PPM1H: variants seen among roughly 807,000 people sequenced by gnomAD.
PPM1H encodes protein phosphatase, Mg2+/Mn2+ dependent 1H.
Under a neutral mutation model 54.9 loss-of-function variants are expected in PPM1H, and 27 were observed. The observed-to-expected ratio is 0.49, with a 90% CI of 0.36 to 0.68. The LOEUF (loss-of-function observed/expected upper bound fraction) is 0.68, where lower values mean the gene tolerates loss of function less well. Among genes scored for constraint, PPM1H ranks in the 30% least tolerant of loss-of-function variants. PPM1H has a pLI of 0.00. For missense variants in PPM1H, 596 were observed against 667.8 expected, an observed-to-expected ratio of 0.89 and a Z score of 1.19; for synonymous variants, 305 against 270.8, an observed-to-expected ratio of 1.13 and a Z score of -1.24.
intron 1 of PPM1H, among the ~76,000 whole-genome samples, chr12:62,899,931 C>A (rs762692983): frequency 6.6e-6 from 1 of 152,146 alleles, no homozygotes; most frequent in Admixed American, 6.5e-5. Flanking sequence ...GGGGTTACTG[C>A]CCTCATAAAA....
chr12:62,829,663 A>G (rs10506450), intron 2 of PPM1H, among the ~76,000 whole-genome samples: 14,190 of 152,256 alleles, frequency 0.093, 716 homozygotes, highest in Middle Eastern at 0.15. Flanking sequence ...CTTGCTCTTG[A>G]AGGACGGACC....
Position 62,934,475 on chromosome 12 carries a change from G to A in PPM1H, c.245+17C>T. On this transcript the variant is annotated intron_variant, in intron 1 of 9. Coordinates refer to ENST00000228705, the MANE Select transcript of PPM1H (RefSeq NM_020700.2). The surrounding 1 kb of genome is among the most constrained non-coding windows in gnomAD (Gnocchi z 4.2). ...CCGCGAGGAGAGCAGGGGCGCCGCCGGTGTCGCTGCACTCACTCTGCGTAG... is the reference window on the plus strand; with the variant it reads ...CCGCGAGGAGAGCAGGGGCGCCGCCAGTGTCGCTGCACTCACTCTGCGTAG... 6.5e-7 allele frequency: 1 copy of A among 1,530,252 alleles called. No homozygotes were observed. The highest frequency in any genetic ancestry group is 2.5e-5 in the East Asian group (1 of 39,948). The allele number at this position is 1,530,252 out of a possible 1,614,324, so 94.8% of individuals were successfully genotyped here. A position where few individuals can be genotyped will look rare whatever the true frequency, so the allele number is the denominator to read the frequency against.
chr12:62,726,282 G>A (rs958601660), intron 5 of PPM1H, among the ~76,000 whole-genome samples: 38 of 152,020 alleles, frequency 2.5e-4, no homozygotes, highest in Admixed American at 1.2e-3. Context: ...AAACACTTAC[G>A]GTTATTAGTC....
intron 9 of PPM1H, 75 bp from the exon 10 acceptor site, chr12:62,648,711 G>A: frequency 6.7e-7 from 1 of 1,497,844 alleles, no homozygotes; most frequent in Non-Finnish European, 9.2e-7. Flanking sequence ...GGCTGGGAAG[G>A]GGGAGGCATC....
chr12:62,851,762 CTAGT>C (rs1290984662), intron 1 of PPM1H, among the ~76,000 whole-genome samples: 4 of 152,056 alleles, frequency 2.6e-5, no homozygotes, highest in African/African-American at 4.8e-5. Flanking sequence ...GACTATTATA[CTAGT>C]TACTTATTCT....
chr12:62,704,488 AG>A (rs2076162331), intron 6 of PPM1H, among the ~76,000 whole-genome samples: 2 of 152,178 alleles, frequency 1.3e-5, no homozygotes, highest in African/African-American at 4.8e-5. Flanking sequence ...GTGGGATGGA[AG>A]CTCTCCAAAC....
intron 4 of PPM1H, among the ~76,000 whole-genome samples, chr12:62,767,251 G>A (rs2076549525): frequency 1.3e-5 from 2 of 152,170 alleles, no homozygotes; most frequent in Non-Finnish European, 2.9e-5. Context: ...CTCAGGGTGG[G>A]ATGTGGAGAA....
intron 6 of PPM1H, among the ~76,000 whole-genome samples, chr12:62,716,149 G>A (rs7302887): frequency 0.01 from 1,548 of 152,224 alleles, 23 homozygotes; most frequent in African/African-American, 0.036. Context: ...AATACCTCTA[G>A]GCCTCAATTT....
At chr12:62,810,733 C>T (rs2076830372) in intron 2 of PPM1H, among the ~76,000 whole-genome samples, 1 of 152,202 alleles carries the variant, frequency 6.6e-6, no homozygotes, top group South Asian at 2.1e-4. Context: ...AGAAAGACCA[C>T]AGGCTTTAGA....
At chr12:62,880,816 C>T (rs550273322) in intron 1 of PPM1H, among the ~76,000 whole-genome samples, 53 of 152,274 alleles carry the variant, frequency 3.5e-4, no homozygotes, top group South Asian at 2.9e-3. Flanking sequence ...TCCAGGTGCT[C>T]GCCCTGCTAC....
At chr12:62,926,982 T>C (rs1047826967) in intron 1 of PPM1H, among the ~76,000 whole-genome samples, 1 of 152,268 alleles carries the variant, frequency 6.6e-6, no homozygotes, top group South Asian at 2.1e-4. Flanking sequence ...CAAAAAGATA[T>C]TTAAATGGCT....
chr12:62,911,901 T>C (rs1871473099), intron 1 of PPM1H, among the ~76,000 whole-genome samples: 1 of 152,186 alleles, frequency 6.6e-6, no homozygotes, highest in African/African-American at 2.4e-5. Flanking sequence ...ACACCCCTTA[T>C]CGCCTGATCC....
chr12:62,863,121 A>G (rs646801), intron 1 of PPM1H, among the ~76,000 whole-genome samples: 21,485 of 151,996 alleles, frequency 0.14, 1,697 homozygotes, highest in East Asian at 0.37. Flanking sequence ...CCTGGGCCCA[A>G]GTGATCCTTC....
intron 1 of PPM1H, among the ~76,000 whole-genome samples, chr12:62,916,657 CA>C (rs1413692823): frequency 2.0e-5 from 3 of 151,478 alleles, no homozygotes; most frequent in Admixed American, 6.6e-5. Flanking sequence ...ATTACTTGAG[CA>C]TACTGTTTTA....
chr12:62,916,670 A>G (rs1871633875), intron 1 of PPM1H, among the ~76,000 whole-genome samples: 1 of 152,162 alleles, frequency 6.6e-6, no homozygotes, highest in South Asian at 2.1e-4. Context: ...ACTGTTTTAA[A>G]TGAATTGTAC....
At chr12:62,662,230 A>G (rs2075888368) in intron 9 of PPM1H, among the ~76,000 whole-genome samples, 1 of 152,246 alleles carries the variant, frequency 6.6e-6, no homozygotes, top group Non-Finnish European at 1.5e-5. Context: ...GTGCCTTTTA[A>G]TGCATAACTG....
chr12:62,919,238 G>T (rs181055198), intron 1 of PPM1H, among the ~76,000 whole-genome samples: 1 of 152,314 alleles, frequency 6.6e-6, no homozygotes, highest in Admixed American at 6.5e-5. Context: ...TTAAAATAGT[G>T]TTCCTGAGGA....
At chr12:62,920,134 A>G (rs1871746971) in intron 1 of PPM1H, among the ~76,000 whole-genome samples, 1 of 152,148 alleles carries the variant, frequency 6.6e-6, no homozygotes. Context: ...AGAATTGCCA[A>G]GAGGGCATCT....
chr12:62,829,432 T>C (rs745824575), intron 2 of PPM1H, among the ~76,000 whole-genome samples: 4 of 152,200 alleles, frequency 2.6e-5, no homozygotes, highest in Non-Finnish European at 5.9e-5. Context: ...ATGAGGGTGA[T>C]GGTTGTACAA....
Sources: gnomAD v4.1 joint callset for allele counts (sites outside exome capture counted in the v4.1 genomes callset) on GRCh38, gnomAD v4.1.1 for gene constraint, Gnocchi (gnomAD v3.1) non-coding constraint, MANE v1.5 for transcripts, NCBI Gene and HGNC (gene_info 2026-07-23, HGNC 2026-07-21) for gene names.